The following FAF1 variants were observed in gnomAD, a reference collection of about 807,000 sequenced individuals.
The protein encoded by FAF1 is Fas associated factor 1.
In FAF1, 25 loss-of-function variants were observed where a neutral mutation model predicts 92.5. The observed-to-expected ratio is 0.27, with a 90% CI of 0.20 to 0.38. FAF1 has a LOEUF of 0.38. Ranked by LOEUF, FAF1 falls within the 10% of genes least tolerant of loss-of-function variation. The pLI is 1.00. For missense variants in FAF1, 636 were observed against 793.3 expected, an observed-to-expected ratio of 0.80 and a Z score of 2.38; for synonymous variants, 234 against 273.2, an observed-to-expected ratio of 0.86 and a Z score of 1.42.
At chr1:50,896,996 C>T (rs926064174) in intron 1 of FAF1, among the ~76,000 whole-genome samples, 1 of 152,062 alleles carries the variant, frequency 6.6e-6, no homozygotes, top group African/African-American at 2.4e-5. Context: ...AAGTCAATTG[C>T]TTTCCTACAT....
intron 15 of FAF1, among the ~76,000 whole-genome samples, chr1:50,492,614 C>A (rs564804594): frequency 7.9e-4 from 120 of 152,304 alleles, no homozygotes; most frequent in South Asian, 1.9e-3. Flanking sequence ...CACCTGTCTA[C>A]ACTAGAGTGT....
chr1:50,595,031 C>T (rs1651730315), intron 9 of FAF1, among the ~76,000 whole-genome samples: 1 of 151,700 alleles, frequency 6.6e-6, no homozygotes, highest in Non-Finnish European at 1.5e-5. Context: ...TTATATTATG[C>T]CATCACTATT....
At chr1:50,876,550 T>C (rs1318505455) in intron 1 of FAF1, among the ~76,000 whole-genome samples, 1 of 152,176 alleles carries the variant, frequency 6.6e-6, no homozygotes, top group Admixed American at 6.5e-5. Context: ...TAAAGCTAAC[T>C]GAACTCCCAA....
chr1:50,530,412 C>G (rs568373667), intron 15 of FAF1, among the ~76,000 whole-genome samples: 2 of 146,892 alleles, frequency 1.4e-5, no homozygotes, highest in Non-Finnish European at 1.5e-5. Flanking sequence ...TTCTCTGTGT[C>G]TTGAGATGAT....
intron 8 of FAF1, among the ~76,000 whole-genome samples, chr1:50,653,574 T>C (rs1654962532): frequency 6.6e-6 from 1 of 152,096 alleles, no homozygotes; most frequent in Non-Finnish European, 1.5e-5. Context: ...GGTTTCAAAC[T>C]CCTGACCTCG....
chr1:50,469,859 T>C (rs1218717212), intron 18 of FAF1, among the ~76,000 whole-genome samples: 1 of 152,220 alleles, frequency 6.6e-6, no homozygotes, highest in Non-Finnish European at 1.5e-5. Context: ...TAGTTCTTTT[T>C]ATCTGAATCT....
At chr1:50,877,958 A>G (rs932300839) in intron 1 of FAF1, among the ~76,000 whole-genome samples, 1 of 152,218 alleles carries the variant, frequency 6.6e-6, no homozygotes, top group South Asian at 2.1e-4. Flanking sequence ...GCAGCTGCTG[A>G]AACAACCTGT....
At chr1:50,874,758 C>CTTTTTTTTTTTTTTTTTTTTTT (rs755424291) in intron 1 of FAF1, among the ~76,000 whole-genome samples, 3 of 67,230 alleles carry the variant, frequency 4.5e-5, no homozygotes, top group Non-Finnish European at 8.2e-5. Context: ...TCTTTTCTTT[C>CTTTTTTTTTTTTTTTTTTTTTT]TTTTTTTTTT....
intron 8 of FAF1, among the ~76,000 whole-genome samples, chr1:50,650,221 C>T (rs1242747197): frequency 6.8e-6 from 1 of 146,088 alleles, no homozygotes; most frequent in Non-Finnish European, 1.5e-5. Flanking sequence ...AAAGCAGAGG[C>T]TGCGGTGAGC....
chr1:50,520,479 C>T (rs1426568044), intron 15 of FAF1, among the ~76,000 whole-genome samples: 1 of 152,168 alleles, frequency 6.6e-6, no homozygotes, highest in East Asian at 1.9e-4. Context: ...CTCATGTTTT[C>T]CCAATCTTGC....
At chr1:50,789,925 T>C (rs1661503179) in intron 3 of FAF1, among the ~76,000 whole-genome samples, 1 of 152,206 alleles carries the variant, frequency 6.6e-6, no homozygotes, top group Non-Finnish European at 1.5e-5. Flanking sequence ...ACACAGGCTA[T>C]TCCCTCTAAG....
chr1:50,863,251 G>A (rs555984169), intron 1 of FAF1, among the ~76,000 whole-genome samples: 8 of 151,856 alleles, frequency 5.3e-5, no homozygotes, highest in East Asian at 3.9e-4. Flanking sequence ...TAAATAATCC[G>A]CTCCTGAATG....
intron 2 of FAF1, among the ~76,000 whole-genome samples, chr1:50,857,525 A>G (rs1644399306): frequency 1.3e-5 from 2 of 151,844 alleles, no homozygotes; most frequent in Non-Finnish European, 1.5e-5. Flanking sequence ...AAGGAAAACC[A>G]TAGCAGAATG....
chr1:50,806,143 T>C (rs541483817), intron 2 of FAF1, among the ~76,000 whole-genome samples: 2 of 152,166 alleles, frequency 1.3e-5, no homozygotes, highest in Non-Finnish European at 2.9e-5. Context: ...ATATTAAAAA[T>C]TTATAAAAAT....
At chr1:50,736,798 T>C (rs1215167235) in intron 6 of FAF1, among the ~76,000 whole-genome samples, 1 of 152,176 alleles carries the variant, frequency 6.6e-6, no homozygotes, top group Admixed American at 6.6e-5. Context: ...ATATTTTTAT[T>C]TGATGAGTCA....
chr1:50,811,820 C>T (rs541652550), intron 2 of FAF1, among the ~76,000 whole-genome samples: 25 of 152,260 alleles, frequency 1.6e-4, no homozygotes, highest in African/African-American at 6.0e-4. Flanking sequence ...TCAAACTATA[C>T]CATAAAGCTG....
chr1:50,678,323 A>G (rs190195304), intron 7 of FAF1, among the ~76,000 whole-genome samples: 3 of 152,344 alleles, frequency 2.0e-5, no homozygotes, highest in African/African-American at 7.2e-5. Context: ...TGGAGCAGGT[A>G]AGGGCCTAAA....
intron 2 of FAF1, among the ~76,000 whole-genome samples, chr1:50,829,772 C>G (rs999313532): frequency 6.6e-6 from 1 of 152,144 alleles, no homozygotes; most frequent in Non-Finnish European, 1.5e-5. Flanking sequence ...AACTGAGTTG[C>G]CAATTATTGA....
chr1:50,827,586 C>A (rs1373930380), intron 2 of FAF1, among the ~76,000 whole-genome samples: 5 of 151,914 alleles, frequency 3.3e-5, no homozygotes, highest in Non-Finnish European at 7.4e-5. Context: ...TATGACCCTG[C>A]CACATCCCCC....
Sources: allele counts gnomAD v4.1 joint callset (sites outside exome capture counted in the v4.1 genomes callset), GRCh38; gene constraint gnomAD v4.1.1; transcripts MANE v1.5; gene names NCBI Gene and HGNC (gene_info 2026-07-23, HGNC 2026-07-21).